Variants in ANTXR2 observed in about 807,000 individuals in gnomAD.
ANTXR2 encodes the protein anthrax toxin receptor 2.
In ANTXR2, 44 loss-of-function variants were observed where a neutral mutation model predicts 73.7. That is an observed-to-expected ratio of 0.60 (90% CI 0.47 to 0.77). ANTXR2 has a LOEUF of 0.77. Among genes scored for constraint, ANTXR2 ranks in the 30% least tolerant of loss-of-function variants. The pLI is 0.00. For synonymous variants in ANTXR2, 217 were observed against 205.9 expected, an observed-to-expected ratio of 1.05 and a Z score of -0.46; for missense variants, 604 against 592.5, an observed-to-expected ratio of 1.02 and a Z score of -0.20.
intron 11 of ANTXR2, 70 bp downstream of exon 11, chr4:80,018,828 C>T: frequency 8.2e-7 from 1 of 1,219,484 alleles, no homozygotes; most frequent in South Asian, 1.5e-5. Flanking sequence ...GCAACAACAC[C>T]AAAGATCCAT....
intron 12 of ANTXR2, among the ~76,000 whole-genome samples, chr4:80,004,474 C>T (rs1731208494): frequency 7.4e-6 from 1 of 134,608 alleles, no homozygotes; most frequent in Non-Finnish European, 1.7e-5. Context: ...CAGGTGTTGG[C>T]CAAGCTGGTT....
chr4:79,961,113 C>T (rs1473613771), intron 16 of ANTXR2, among the ~76,000 whole-genome samples: 1 of 151,784 alleles, frequency 6.6e-6, no homozygotes, highest in East Asian at 1.9e-4. Context: ...GCACTGTATC[C>T]CCCCTTGGAC....
In ANTXR2 at chr4:80,003,112, G is replaced by A. The variant is rs576213650; in HGVS notation, c.1041+5409C>T. On this transcript the variant is annotated intron_variant, in intron 12 of 16. Transcript: ENST00000403729. ...GGCTGCTATAAAGACATATGCACAC[G>A]TATGTTTATTGCGGCACTACACACA... 6.2e-4 allele frequency among the ~76,000 whole-genome samples: 94 copies of A among 152,118 alleles called. 1 individual carries two copies. Among genetic ancestry groups the A allele is most frequent in the African/African-American group, 2.0e-3 (84 of 41,514 alleles).
rs564037681 is a variant in ANTXR2, at chr4:80,003,203, C to A, written c.1041+5318G>T. Among the ~76,000 whole-genome samples the A allele has an allele frequency of 1.7e-4, 26 of 152,136 alleles. No homozygotes were observed. In the South Asian group the frequency reaches 5.4e-3, roughly 32 times the overall value. ...TAGATTGGATTAAGAAAATGTGGCACATATACACCATGGAATACTATGCAG... is the reference window on the plus strand; with the variant it reads ...TAGATTGGATTAAGAAAATGTGGCAAATATACACCATGGAATACTATGCAG... On this transcript the variant is annotated intron_variant, in intron 12 of 16. Coordinates refer to ENST00000403729, the MANE Select transcript of ANTXR2 (RefSeq NM_058172.6).
At chr4:79,908,751 G>A (rs1009945205) in intron 16 of ANTXR2, among the ~76,000 whole-genome samples, 2 of 152,072 alleles carry the variant, frequency 1.3e-5, no homozygotes, top group Non-Finnish European at 2.9e-5. Flanking sequence ...TTAAAATGAG[G>A]TCAAAATTCC....
intron 12 of ANTXR2, among the ~76,000 whole-genome samples, chr4:79,992,208 A>T (rs1440694183): frequency 6.6e-6 from 1 of 152,000 alleles, no homozygotes; most frequent in Non-Finnish European, 1.5e-5. Flanking sequence ...TTTAATTTTT[A>T]ATTTTTGTGG....
intron 16 of ANTXR2, among the ~76,000 whole-genome samples, chr4:79,928,672 G>T (rs888822266): frequency 1.3e-5 from 2 of 152,032 alleles, no homozygotes; most frequent in African/African-American, 2.4e-5. Context: ...TAGTATGAAA[G>T]ATTTGTGTTT....
intron 16 of ANTXR2, among the ~76,000 whole-genome samples, chr4:79,934,503 G>A (rs1728181664): frequency 6.6e-6 from 1 of 151,430 alleles, no homozygotes; most frequent in South Asian, 2.1e-4. Context: ...CTCCAGCCTG[G>A]GTGACTGAGC....
chr4:79,932,792 C>CAAAAAAAAAAAAAA (rs57359650), intron 16 of ANTXR2, among the ~76,000 whole-genome samples: 2 of 52,368 alleles, frequency 3.8e-5, no homozygotes, highest in Non-Finnish European at 6.4e-5. Flanking sequence ...AACTCCATCT[C>CAAAAAAAAAAAAAA]AAAAAAAAAA....
chr4:80,072,402 C>T lies in ANTXR2; in HGVS notation c.152+7G>A. 1 of 1,590,210 alleles carries T rather than the reference C, an allele frequency of 6.3e-7. No individual in the cohort carries two copies. Among genetic ancestry groups the T allele is most frequent in the Non-Finnish European group, 8.6e-7 (1 of 1,168,308 alleles). On this transcript the variant is annotated splice_region_variant and intron_variant, in intron 1 of 16. Coordinates refer to ENST00000403729, the MANE Select transcript of ANTXR2 (RefSeq NM_058172.6). ...CAGGAGACCCTGGACCTCCCTCGCA[C>T]ACTCACTTGTCCAGGACGAAGTAGA... is the stretch of plus-strand genomic sequence containing the variant.
At chr4:79,983,324 A>G (rs1442877213) in intron 14 of ANTXR2, among the ~76,000 whole-genome samples, 1 of 152,130 alleles carries the variant, frequency 6.6e-6, no homozygotes, top group Non-Finnish European at 1.5e-5. Flanking sequence ...ATATAATATT[A>G]AAGTTCAATT....
chr4:80,057,044 C>A (rs1305079317), intron 3 of ANTXR2, among the ~76,000 whole-genome samples: 1 of 151,758 alleles, frequency 6.6e-6, no homozygotes, highest in Non-Finnish European at 1.5e-5. Flanking sequence ...AAAAAAAATG[C>A]CTTTTTAAAC....
intron 3 of ANTXR2, among the ~76,000 whole-genome samples, chr4:80,057,750 T>C (rs999318905): frequency 1.9e-4 from 29 of 152,154 alleles, no homozygotes; most frequent in African/African-American, 6.5e-4. Context: ...ATAATTTAAC[T>C]AATTTAATTT....
intron 16 of ANTXR2, among the ~76,000 whole-genome samples, chr4:79,909,177 T>C (rs1020942917): frequency 5.3e-5 from 8 of 152,302 alleles, no homozygotes; most frequent in Admixed American, 3.3e-4. Flanking sequence ...ACAGCAAAGA[T>C]ATAAATTAAT....
chr4:80,044,921 A>C (rs1733445294), intron 7 of ANTXR2, among the ~76,000 whole-genome samples: 1 of 151,898 alleles, frequency 6.6e-6, no homozygotes, highest in African/African-American at 2.4e-5. Context: ...ACTTTTTAAT[A>C]AGAAGCATGG....
At chr4:80,041,690 C>T (rs1335582211) in intron 7 of ANTXR2, among the ~76,000 whole-genome samples, 1 of 152,032 alleles carries the variant, frequency 6.6e-6, no homozygotes, top group East Asian at 1.9e-4. Context: ...CACAATTCAG[C>T]TCCCGCTTGT....
At chr4:80,055,301 T>G (rs1733941522) in intron 5 of ANTXR2, 59 bp downstream of exon 5, 6 of 1,560,056 alleles carry the variant, frequency 3.8e-6, no homozygotes, top group Middle Eastern at 1.7e-4. Context: ...AGCTATACAT[T>G]CCGAGACACA....
chr4:80,045,004 A>T (rs1353431672), intron 7 of ANTXR2, among the ~76,000 whole-genome samples: 7 of 151,848 alleles, frequency 4.6e-5, no homozygotes, highest in African/African-American at 1.4e-4. Flanking sequence ...TACAGAGCTT[A>T]CTGAGAAGTT....
At chr4:80,025,506 A>T (rs962876631) in intron 10 of ANTXR2, among the ~76,000 whole-genome samples, 1 of 152,232 alleles carries the variant, frequency 6.6e-6, no homozygotes, top group African/African-American at 2.4e-5. Context: ...ATTTGCTGGA[A>T]GTAATAAATA....
Sources: allele counts gnomAD v4.1 joint callset (sites outside exome capture counted in the v4.1 genomes callset), GRCh38; gene constraint gnomAD v4.1.1; transcripts MANE v1.5; gene names NCBI Gene and HGNC (gene_info 2026-07-23, HGNC 2026-07-21).